CRHR2: variants seen among roughly 807,000 people sequenced by gnomAD.
CRHR2 encodes the protein corticotropin-releasing hormone receptor 2.
Under a neutral mutation model 57.9 loss-of-function variants are expected in CRHR2, and 53 were observed. The observed-to-expected ratio is 0.92, with a 90% CI of 0.73 to 1.15. CRHR2 has a LOEUF of 1.15. CRHR2 is among the 50% of genes most tolerant of loss of function. The pLI is 0.00. For missense variants in CRHR2, 532 were observed against 542.6 expected (o/e 0.98, Z 0.19); for synonymous variants, 213 against 220.9 (o/e 0.96, Z 0.32).
At chr7:30,660,733 C>A in intron 7 of CRHR2, 88 bp from the exon 8 acceptor site, 1 of 1,292,480 alleles carries the variant, frequency 7.7e-7, no homozygotes. Flanking sequence ...CCAGCTTTAC[C>A]CTTCCTGAGA....
intron 1 of CRHR2, among the ~76,000 whole-genome samples, chr7:30,691,461 A>G (rs112392807): frequency 0.013 from 2,012 of 152,328 alleles, 43 homozygotes; most frequent in African/African-American, 0.046. Flanking sequence ...TTTCTGACAC[A>G]TGCTTTGAAC....
chr7:30,673,430 C>G (rs1198592594), intron 2 of CRHR2, among the ~76,000 whole-genome samples: 2 of 151,938 alleles, frequency 1.3e-5, no homozygotes, highest in East Asian at 1.9e-4. Flanking sequence ...GTGGTTTTGG[C>G]TGGTCTCAAA....
intron 2 of CRHR2, among the ~76,000 whole-genome samples, chr7:30,687,493 G>C (rs1784878897): frequency 6.6e-6 from 1 of 152,096 alleles, no homozygotes; most frequent in Non-Finnish European, 1.5e-5. Context: ...GAGGCTCTAT[G>C]AATGCATAAA....
At chr7:30,668,720 T>A (rs1784263259) in intron 2 of CRHR2, among the ~76,000 whole-genome samples, 1 of 152,210 alleles carries the variant, frequency 6.6e-6, no homozygotes, top group East Asian at 1.9e-4. Flanking sequence ...TTTAGTTTGG[T>A]GCCTGGAGCT....
chr7:30,662,296 C>T, intron 6 of CRHR2, 80 bp from the exon 7 acceptor site: 3 of 1,515,450 alleles, frequency 2.0e-6, no homozygotes, highest in Non-Finnish European at 2.7e-6. Context: ...GGTACCACAA[C>T]AGGGCTAGGA....
At chr7:30,670,890 A>T (rs1408702888) in intron 2 of CRHR2, among the ~76,000 whole-genome samples, 1 of 152,176 alleles carries the variant, frequency 6.6e-6, no homozygotes, top group Non-Finnish European at 1.5e-5. Flanking sequence ...TGATGCAGGC[A>T]GGGTCTTCTC....
chr7:30,686,337 A>G (rs1428924366), upstream of CRHR2: 5 of 1,471,294 alleles, frequency 3.4e-6, no homozygotes, highest in East Asian at 2.5e-5. Flanking sequence ...CCCAGCACCC[A>G]TTGGAATGCT....
intron 2 of CRHR2, among the ~76,000 whole-genome samples, chr7:30,675,222 G>T (rs1192432743): frequency 1.3e-5 from 2 of 152,164 alleles, no homozygotes; most frequent in African/African-American, 4.8e-5. Flanking sequence ...CCTGTACCTG[G>T]GGCCCAGCCA....
At chr7:30,661,286 CT>C (rs1328137112) in intron 7 of CRHR2, among the ~76,000 whole-genome samples, 1 of 152,214 alleles carries the variant, frequency 6.6e-6, no homozygotes, top group Non-Finnish European at 1.5e-5. Flanking sequence ...GGGCCATCAA[CT>C]TTGGGGAACT....
At chr7:30,654,657 A>G (rs1584076251) in intron 11 of CRHR2, 1 of 1,527,722 alleles carries the variant, frequency 6.5e-7, no homozygotes. Flanking sequence ...GTAGCGGGGG[A>G]ATGTGCTGGT....
At chr7:30,669,919 T>TTAAAGTGGATCCACCACTTAAAGC in intron 2 of CRHR2, among the ~76,000 whole-genome samples, 1 of 152,030 alleles carries the variant, frequency 6.6e-6, no homozygotes, top group Non-Finnish European at 1.5e-5. Flanking sequence ...TCCTCCTTCT[T>TTAAAGTGGATCCACCACTTAAAGC]ACCCACTGCT....
At chr7:30,677,136 G>A (rs1784543973) in intron 2 of CRHR2, among the ~76,000 whole-genome samples, 1 of 152,206 alleles carries the variant, frequency 6.6e-6, no homozygotes, top group African/African-American at 2.4e-5. Flanking sequence ...AGGGATGGGA[G>A]TGGGGAGACA....
intron 1 of CRHR2, among the ~76,000 whole-genome samples, chr7:30,690,563 C>T (rs1784941300): frequency 1.3e-5 from 2 of 152,174 alleles, no homozygotes; most frequent in Non-Finnish European, 2.9e-5. Context: ...CAGATGTACT[C>T]TTCCTGGCAG....
At chr7:30,686,831 A>G (rs973874551), upstream of CRHR2, among the ~76,000 whole-genome samples, 2 of 152,228 alleles carry the variant, frequency 1.3e-5, no homozygotes, top group South Asian at 2.1e-4. Flanking sequence ...TCAGGGGCAT[A>G]CAATTGAATT....
rs1340292876 is a variant in CRHR2, at chr7:30,682,025, C to T, written c.119G>A (p.Cys40Tyr). 6.3e-7 allele frequency: 1 copy of T among 1,594,868 alleles called. No homozygotes were observed. The highest frequency in any genetic ancestry group is 1.1e-5 in the South Asian group (1 of 88,242). The part of the protein sequence containing the change: ...PLDPEGPYSY[C>Y]NTTLDQIGTC... ...TCCGATCTGGTCCAAGGTCGTGTTG[C>T]AGTAGGAGTAGGGACCTGGCGGCGG... The change falls in exon 2 of 12, where the codon TGC becomes TAC. Residue 40 changes from cysteine to tyrosine, a missense_variant. Coordinates refer to ENST00000471646, the MANE Select transcript of CRHR2 (RefSeq NM_001883.5).
Position 30,699,997 on chromosome 7 carries a change from C to T in CRHR2, c.-314G>A, listed in dbSNP as rs548065920. 47 of 1,458,130 alleles carry T rather than the reference C, an allele frequency of 3.2e-5. 1 individual carries two copies. Among genetic ancestry groups the T allele is most frequent in the Admixed American group, 1.6e-4 (6 of 37,264 alleles). The allele number at this position is 1,458,130 out of a possible 1,614,324, so 90.3% of individuals were successfully genotyped here. The stretch of plus-strand genomic sequence containing the variant: ...AGCAGGCAGAGGAGGAGGTGTGGGA[C>T]GTAGAGGAGGCCTGGGGGCCCTGAG... On this transcript the variant is annotated 5_prime_UTR_variant, in exon 1 of 14. Transcript: ENST00000341843.
chr7:30,690,434 G>A (rs1220696268), intron 1 of CRHR2, among the ~76,000 whole-genome samples: 1 of 151,882 alleles, frequency 6.6e-6, no homozygotes, highest in Non-Finnish European at 1.5e-5. Context: ...GTGTGTGTGT[G>A]AGTACATGCA....
chr7:30,686,697 T>C, upstream of CRHR2: 2 of 517,682 alleles, frequency 3.9e-6, no homozygotes, highest in East Asian at 4.0e-5. Context: ...ATATGCCTCA[T>C]AATATATGCC....
intron 2 of CRHR2, among the ~76,000 whole-genome samples, chr7:30,676,375 A>AG (rs1784516199): frequency 1.3e-5 from 2 of 152,146 alleles, no homozygotes; most frequent in Non-Finnish European, 2.9e-5. Context: ...GAATAGAGTC[A>AG]GGGGGGATCA....
Sources: allele counts gnomAD v4.1 joint callset (sites outside exome capture counted in the v4.1 genomes callset), GRCh38; gene constraint gnomAD v4.1.1; transcripts MANE v1.5; gene names NCBI Gene and HGNC (gene_info 2026-07-23, HGNC 2026-07-21).